The following TTN variants were observed in gnomAD, a reference collection of about 807,000 sequenced individuals.
TTN encodes connectin.
Under a neutral mutation model 3,223.0 loss-of-function variants are expected in TTN, and 1,525 were observed. The ratio of observed to expected loss-of-function variants is 0.47; its 90% CI spans 0.45 to 0.49. TTN has a LOEUF of 0.49. TTN is among the 20% of genes least tolerant of loss of function. The pLI is 0.00. For synonymous variants in TTN, 14,094 were observed against 15,161.0 expected (o/e 0.93, Z 5.17); for missense variants, 40,786 against 43,424.0 (o/e 0.94, Z 5.40).
chr2:178,771,304 T>C lies in TTN; in HGVS notation c.8023A>G (p.Arg2675Gly), dbSNP rs375223745. The change falls in exon 34 of 363, where the codon AGA (arginine) becomes GGA (glycine). Residue 2675 changes from arginine (R) to glycine (G), a missense_variant. By Grantham distance (125) the Arg-to-Gly change is moderately radical (BLOSUM62 -2). Transcript: ENST00000589042. Reference protein sequence around the residue: ...IRSESDGHKRRLIIAATKLDD... With the variant: ...IRSESDGHKRGLIIAATKLDD... ...AATTTGGTGGCAGCAATGATAAGTCTCCTTTTGTGGCCATCAGACTCACTT... is the reference window on the plus strand; with the variant it reads ...AATTTGGTGGCAGCAATGATAAGTCCCCTTTTGTGGCCATCAGACTCACTT... 2 of 1,613,988 alleles carry C rather than the reference T, an allele frequency of 1.2e-6. No individual in the cohort carries two copies. The highest frequency in any genetic ancestry group is 1.7e-6 in the Non-Finnish European group (2 of 1,180,014).
chr2:178,690,587 T>G (rs962734119), intron 121 of TTN, among the ~76,000 whole-genome samples: 8 of 152,194 alleles, frequency 5.3e-5, no homozygotes, highest in Non-Finnish European at 7.4e-5. Context: ...TTATCTATTC[T>G]AAGAATGGAT....
At position 178,525,996 on chromosome 2, in the gene TTN, G is replaced by A. The variant is rs1051527411; in HGVS notation, c.*1016C>T. 1 of 152,562 alleles carries A rather than the reference G, an allele frequency of 6.6e-6. No homozygotes were observed. The highest frequency in any genetic ancestry group is 1.5e-5 in the Non-Finnish European group (1 of 68,038). The allele number at this position is 152,562 out of a possible 1,614,324, so 9.5% of individuals were successfully genotyped here. A position where few individuals can be genotyped will look rare whatever the true frequency, so the allele number is the denominator to read the frequency against. ...AAAACAACCAGCCACACATTTTGAG[G>A]TGCAGATAGCTTGCTTTATTTTGTT... On this transcript the variant is annotated 3_prime_UTR_variant, in exon 363 of 363. Coordinates refer to ENST00000589042, the MANE Select transcript of TTN (RefSeq NM_001267550.2).
intron 326 of TTN, chr2:178,559,014 A>G: frequency 3.5e-6 from 1 of 289,298 alleles, no homozygotes; most frequent in Admixed American, 5.0e-5. Flanking sequence ...CTATATATAT[A>G]TAATCTGTGT....
Position 178,535,959 on chromosome 2 carries a change from GATGATAATTTATTT to G in TTN, c.100765+9_100765+22del. ...TTAATAACTCATTTAGCCTCAACTT[GATGATAATTTATTT>G]ATTTTTACCTTCCACTTCCAAGGAG... On this transcript the variant is annotated intron_variant, in intron 357 of 362. Transcript: ENST00000589042. 1 of 1,522,644 alleles carries G rather than the reference GATGATAATTTATTT, an allele frequency of 6.6e-7. No individual in the cohort carries two copies. The highest frequency in any genetic ancestry group is 8.8e-7 in the Non-Finnish European group (1 of 1,138,748). The allele number at this position is 1,522,644 out of a possible 1,614,324, so 94.3% of individuals were successfully genotyped here. A position where few individuals can be genotyped will look rare whatever the true frequency, so the allele number is the denominator to read the frequency against.
At position 178,702,315 on chromosome 2, in the gene TTN, C is replaced by T. The variant is rs1289687370; in HGVS notation, c.30434-70G>A. On this transcript the variant is annotated intron_variant, in intron 107 of 362. Coordinates refer to ENST00000589042, the MANE Select transcript of TTN (RefSeq NM_001267550.2). ...AATAACACTTCTTTACTTCAATATACGTATGTGTTTATTTACACTTGTCTT... is the reference window on the plus strand; with the variant it reads ...AATAACACTTCTTTACTTCAATATATGTATGTGTTTATTTACACTTGTCTT... The T allele has an allele frequency of 6.2e-6, 10 of 1,605,694 alleles. No homozygotes were observed. The East Asian group carries it at 8.9e-5, about 14-fold the overall frequency.
At chr2:178,622,562 T>G (rs899156360) in intron 243 of TTN, 108 bp downstream of exon 243, 5 of 770,868 alleles carry the variant, frequency 6.5e-6, no homozygotes, top group Non-Finnish European at 1.1e-5. Context: ...AAAAGTAAAG[T>G]GGTGACCAGA....
rs981353612 is a variant in TTN at position 178,652,451 on chromosome 2, C to G, written c.39127+7G>C. 1.2e-6 allele frequency: 2 copies of G among 1,612,678 alleles called. No homozygotes were observed. Among genetic ancestry groups the G allele is most frequent in the African/African-American group, 2.7e-5 (2 of 74,742 alleles). On this transcript the variant is annotated splice_region_variant and intron_variant, in intron 202 of 362. Coordinates refer to ENST00000589042, the MANE Select transcript of TTN (RefSeq NM_001267550.2). ...ATCATCTGAAGCCTAAAATCAGTGA[C>G]AAATACCTTTAACAGGTGTGACTTC...
intron 127 of TTN, among the ~76,000 whole-genome samples, chr2:178,687,824 T>G (rs1334139847): frequency 1.3e-5 from 2 of 152,188 alleles, no homozygotes; most frequent in African/African-American, 4.8e-5. Context: ...AGGATATATG[T>G]ATATGGAGAT....
At position 178,583,013 on chromosome 2, in the gene TTN, G is replaced by T. The variant is rs794727432; in HGVS notation, c.65790C>A (p.Asp21930Glu). The change falls in exon 313 of 363, where the codon GAC becomes GAA. Residue 21930 changes from aspartate (D) to glutamate (E), a missense_variant. Asp to Glu is a conservative substitution (Grantham distance 45, BLOSUM62 2). Coordinates refer to ENST00000589042, the MANE Select transcript of TTN (RefSeq NM_001267550.2). ...TLELFSVNRKDSGDYTITAEN... is the reference protein window; with the variant it reads ...TLELFSVNRKESGDYTITAEN... ...CAGCAGTAATGGTATAGTCTCCTGA[G>T]TCCTTCCGGTTCACGCTGAATAGCT... 29 of 1,605,662 alleles carry T rather than the reference G, an allele frequency of 1.8e-5. No individual in the cohort carries two copies. The highest frequency in any genetic ancestry group is 3.4e-5 in the Admixed American group (2 of 59,500).
Position 178,634,703 on chromosome 2 carries a change from A to G in TTN, c.42151+20T>C, listed in dbSNP as rs529796220. ...TGAAATAAAGTTGAGACCCCTCCCC[A>G]AATTCTAAAAGCCCCATACCTTTTA... is the stretch of plus-strand genomic sequence containing the variant. On this transcript the variant is annotated intron_variant, in intron 229 of 362. Transcript: ENST00000589042. This position sits in a 1 kb window ranked among gnomAD's most constrained non-coding sequence, Gnocchi z 4.6. 7.4e-6 allele frequency: 12 copies of G among 1,612,568 alleles called. No individual in the cohort carries two copies. The South Asian group carries it at 1.3e-4, about 18-fold the overall frequency.
In TTN at chr2:178,531,347, T is replaced by C; in HGVS notation, c.105268A>G (p.Arg35090Gly). Residue 35090 changes from arginine (R) to glycine (G), a missense_variant, in exon 358 of 363, where the codon AGG becomes GGG. Physicochemically the swap from Arg to Gly is moderately radical, Grantham distance 125. Coordinates refer to ENST00000589042, the MANE Select transcript of TTN (RefSeq NM_001267550.2). ...REVKSQMTETRESLSSYEHSA... is the reference protein window; with the variant it reads ...REVKSQMTETGESLSSYEHSA... ...TGTTCATATGAGGAGAGACTTTCCCTTGTCTCCGTCATCTGTGATTTCACT... is the reference window on the plus strand; with the variant it reads ...TGTTCATATGAGGAGAGACTTTCCCCTGTCTCCGTCATCTGTGATTTCACT... 6.2e-7 allele frequency: 1 copy of C among 1,614,046 alleles called. No homozygotes were observed. The highest frequency in any genetic ancestry group is 8.5e-7 in the Non-Finnish European group (1 of 1,179,900).
rs1340276785 is a variant in TTN, at chr2:178,583,000, T to C, written c.65803A>G (p.Thr21935Ala). The change falls in exon 313 of 363, where the codon ACC becomes GCC. Residue 21935 changes from threonine to alanine, a missense_variant. Physicochemically the swap from Thr to Ala is moderately conservative, Grantham distance 58. Coordinates refer to ENST00000589042, the MANE Select transcript of TTN (RefSeq NM_001267550.2). ...SVNRKDSGDY[T>A]ITAENSSGSK... is the part of the protein sequence containing the mutation. Reference sequence around the variant, plus strand: ...CCACTTGAATTTTCAGCAGTAATGGTATAGTCTCCTGAGTCCTTCCGGTTC... The same window carrying C: ...CCACTTGAATTTTCAGCAGTAATGGCATAGTCTCCTGAGTCCTTCCGGTTC... 6.3e-7 allele frequency: 1 copy of C among 1,591,218 alleles called. No homozygotes were observed. Among genetic ancestry groups the C allele is most frequent in the Non-Finnish European group, 8.6e-7 (1 of 1,166,952 alleles).
In TTN at chr2:178,706,827, T is replaced by C. The variant is rs528332180; in HGVS notation, c.29134+35A>G. The C allele has an allele frequency of 4.5e-5, 73 of 1,609,374 alleles. 1 individual carries two copies. The East Asian group carries it at 1.3e-3, about 28-fold the overall frequency. The stretch of plus-strand genomic sequence containing the variant: ...TAAATCATAAGTAAAAGGTATAAGA[T>C]AGATGAAGATGTACTTCTCATGAAG... On this transcript the variant is annotated intron_variant, in intron 101 of 362. Transcript: ENST00000589042.
At position 178,704,229 on chromosome 2, in the gene TTN, A is replaced by G; in HGVS notation, c.30141T>C (p.Ile10047=). 1 of 1,614,000 alleles carries G rather than the reference A, an allele frequency of 6.2e-7. No homozygotes were observed. The highest frequency in any genetic ancestry group is 8.5e-7 in the Non-Finnish European group (1 of 1,179,872). The stretch of plus-strand genomic sequence containing the variant: ...CCTGGTCTTCTGCTCGAACATCTGC[A>G]ATGGTCAATTTATGGACTTTGTGTT... ...EVEHKVHKLT[I]ADVRAEDQGQ... Residue 10047 remains isoleucine, a synonymous_variant, in exon 106 of 363, where the codon ATT becomes ATC. Transcript: ENST00000589042.
Position 178,730,192 on chromosome 2 carries a change from C to G in TTN, c.18208G>C (p.Glu6070Gln), listed in dbSNP as rs1238374094. The part of the protein sequence containing the change: ...VWKDDTSTSL[E>Q]LFAAKATDSG... Reference sequence around the variant, plus strand: ...TCGGTAGCTTTGGCTGCAAAGAGCTCTAGACTGGTAGAGGTGTCATCCTTC... The same window carrying G: ...TCGGTAGCTTTGGCTGCAAAGAGCTGTAGACTGGTAGAGGTGTCATCCTTC... The change falls in exon 62 of 363, where the codon GAG becomes CAG. Residue 6070 changes from glutamate to glutamine, a missense_variant. By Grantham distance (29) the Glu-to-Gln change is conservative. Coordinates refer to ENST00000589042, the MANE Select transcript of TTN (RefSeq NM_001267550.2). 6.2e-7 allele frequency: 1 copy of G among 1,613,430 alleles called. No individual in the cohort carries two copies. The highest frequency in any genetic ancestry group is 2.2e-5 in the East Asian group (1 of 44,778).
At chr2:178,796,060 T>C (rs1373761203) in intron 6 of TTN, among the ~76,000 whole-genome samples, 1 of 152,226 alleles carries the variant, frequency 6.6e-6, no homozygotes, top group Non-Finnish European at 1.5e-5. Context: ...CAGAATAGTT[T>C]TCATTGTTTG....
At chr2:178,598,108 T>C in intron 292 of TTN, 50 bp from the exon 293 acceptor site, 1 of 1,575,476 alleles carries the variant, frequency 6.3e-7, no homozygotes. Flanking sequence ...CTTTGTAGCT[T>C]CTTGCTTTAA....
intron 216 of TTN, 74 bp from the exon 217 acceptor site, chr2:178,646,104 T>TTTATATATATATA (rs1188641505): frequency 2.7e-5 from 1 of 37,646 alleles, no homozygotes; most frequent in Non-Finnish European, 5.5e-5. Flanking sequence ...TTAATAGAAA[T>TTTATATATATATA]TATATATATA....
Position 178,571,027 on chromosome 2 carries a change from T to TCCA in TTN, c.75102_75104dup (p.Gly25035dup). 6.2e-7 allele frequency: 1 copy of TCCA among 1,612,570 alleles called. No individual in the cohort carries two copies. The highest frequency in any genetic ancestry group is 1.1e-5 in the South Asian group (1 of 91,032). On this transcript the variant is annotated inframe_insertion, in exon 326 of 363. Coordinates refer to ENST00000589042, the MANE Select transcript of TTN (RefSeq NM_001267550.2). Reference sequence around the variant, plus strand: ...CAACAATATAACCAGTGATCTTGCTTCCACCGTCATAGGTGGGTTTCTTCC... The same window carrying TCCA: ...CAACAATATAACCAGTGATCTTGCTTCCACCACCGTCATAGGTGGGTTTCTTCC...
Sources: gnomAD v4.1 joint callset for allele counts (sites outside exome capture counted in the v4.1 genomes callset) on GRCh38, gnomAD v4.1.1 for gene constraint, Gnocchi (gnomAD v3.1) non-coding constraint, MANE v1.5 for transcripts, NCBI Gene and HGNC (gene_info 2026-07-23, HGNC 2026-07-21) for gene names.